Variants in INVS observed in about 807,000 individuals in gnomAD.
The protein encoded by INVS is inversin.
In INVS, 86 loss-of-function variants were observed where a neutral mutation model predicts 108.8. The observed-to-expected ratio is 0.79, with a 90% CI of 0.66 to 0.95. The LOEUF (loss-of-function observed/expected upper bound fraction) is 0.95, where lower values mean the gene tolerates loss of function less well. Among genes scored for constraint, INVS ranks in the 40% least tolerant of loss-of-function variants. INVS has a pLI of 0.00. For missense variants in INVS, 1,169 were observed against 1,297.4 expected, an observed-to-expected ratio of 0.90 and a Z score of 1.52; for synonymous variants, 455 against 473.5, an observed-to-expected ratio of 0.96 and a Z score of 0.51.
intron 3 of INVS, among the ~76,000 whole-genome samples, chr9:100,187,514 ATCTATGATTTCTTTTTTT>A (rs1830087554): frequency 7.8e-6 from 1 of 127,634 alleles, no homozygotes; most frequent in African/African-American, 3.6e-5. Flanking sequence ...TGTTTGTATC[ATCTATGATTTCTTTTTTT>A]TTTTTTTTTT....
At position 100,242,690 on chromosome 9, in the gene INVS, C is replaced by T. The variant is rs2118506202; in HGVS notation, c.906+11C>T. The T allele has an allele frequency of 7.2e-7, 1 of 1,396,570 alleles. No homozygotes were observed. The allele number at this position is 1,396,570 out of a possible 1,614,324, so 86.5% of individuals were successfully genotyped here. The stretch of plus-strand genomic sequence containing the variant: ...CAGAGTAACTTTGCTGTAAGTAAAA[C>T]AAGACAATGCTCTTTTTTCTTAGTG... On this transcript the variant is annotated intron_variant, in intron 7 of 16. Transcript: ENST00000262457.
At position 100,266,245 on chromosome 9, in the gene INVS, A is replaced by T. The variant is rs533818174; in HGVS notation, c.1571+1317A>T. Among the ~76,000 whole-genome samples the T allele has an allele frequency of 2.6e-5, 4 of 152,304 alleles. No homozygotes were observed. In the South Asian group the frequency reaches 8.3e-4, roughly 32 times the overall value. The stretch of plus-strand genomic sequence containing the variant: ...GGGGTCCCGATCCAGACCCCGTCAG[A>T]GGGTTCTTGGATCTTGCACAAGAAA... On this transcript the variant is annotated intron_variant, in intron 11 of 16. Coordinates refer to ENST00000262457, the MANE Select transcript of INVS (RefSeq NM_014425.5).
At chr9:100,266,571 GT>G (rs1164927044) in intron 11 of INVS, among the ~76,000 whole-genome samples, 1 of 152,148 alleles carries the variant, frequency 6.6e-6, no homozygotes. Context: ...GTTTTGGTGG[GT>G]TTTGGCCAGC....
At chr9:100,242,793 A>C in intron 7 of INVS, 114 bp downstream of exon 7, 4 of 688,814 alleles carry the variant, frequency 5.8e-6, no homozygotes. Context: ...TGTACCCTTC[A>C]CCTAGTTCAC....
Position 100,272,930 on chromosome 9 carries a change from C to T in INVS, c.1638C>T (p.His546=), listed in dbSNP as rs758665047. 1.8e-5 allele frequency: 29 copies of T among 1,614,062 alleles called. No individual in the cohort carries two copies. The highest frequency in any genetic ancestry group is 2.2e-5 in the East Asian group (1 of 44,872). ...RHEVIQFMLE[H]GALSIAAIQD... ...AAGTGATCCAGTTCATGTTGGAGCA[C>T]GGTGCCCTGTCCATCGCAGCCATAC... is the stretch of plus-strand genomic sequence containing the variant. Residue 546 remains histidine (H), a synonymous_variant, in exon 12 of 17, where the codon CAC becomes CAT. Transcript: ENST00000262457.
chr9:100,220,340 G>A (rs1317636835), intron 3 of INVS, among the ~76,000 whole-genome samples: 1 of 152,016 alleles, frequency 6.6e-6, no homozygotes, highest in Admixed American at 6.6e-5. Flanking sequence ...GAAGCTCTTG[G>A]TGTTAATTAC....
At chr9:100,129,752 C>T (rs1461425623) in intron 3 of INVS, 1 of 682,690 alleles carries the variant, frequency 1.5e-6, no homozygotes, top group East Asian at 2.7e-5. Context: ...AAAGTGAGTA[C>T]CACATTCATC....
At chr9:100,200,954 A>G (rs1286841856) in intron 3 of INVS, among the ~76,000 whole-genome samples, 1 of 152,162 alleles carries the variant, frequency 6.6e-6, no homozygotes, top group African/African-American at 2.4e-5. Context: ...GATTTCATTC[A>G]CTCATTTACT....
At chr9:100,126,314 G>T in intron 2 of INVS, 69 bp from the exon 3 acceptor site, 2 of 1,233,506 alleles carry the variant, frequency 1.6e-6, no homozygotes, top group South Asian at 1.3e-5. Context: ...AATAAACAGC[G>T]AATATAGTTC....
chr9:100,161,776 C>G (rs188976415), intron 3 of INVS, among the ~76,000 whole-genome samples: 37 of 152,226 alleles, frequency 2.4e-4, no homozygotes, highest in African/African-American at 8.2e-4. Context: ...TCTTGCTAAT[C>G]TCACTAATGA....
chr9:100,204,819 T>C (rs1830629769), intron 3 of INVS, among the ~76,000 whole-genome samples: 1 of 152,172 alleles, frequency 6.6e-6, no homozygotes, highest in Non-Finnish European at 1.5e-5. Flanking sequence ...ATTTCTGTTT[T>C]TAAGGACTCC....
At chr9:100,137,367 A>G (rs1828261565) in intron 3 of INVS, among the ~76,000 whole-genome samples, 2 of 152,118 alleles carry the variant, frequency 1.3e-5, no homozygotes, top group African/African-American at 4.8e-5. Context: ...AAACTCCTAA[A>G]CTTGGGCTTC....
chr9:100,285,494 G>A (rs1833412518), intron 13 of INVS, among the ~76,000 whole-genome samples: 1 of 152,174 alleles, frequency 6.6e-6, no homozygotes, highest in Non-Finnish European at 1.5e-5. Context: ...CACCAGGTTT[G>A]GTGAGGTTGG....
intron 8 of INVS, among the ~76,000 whole-genome samples, chr9:100,249,295 C>G (rs192023605): frequency 3.9e-5 from 6 of 152,168 alleles, no homozygotes; most frequent in African/African-American, 1.4e-4. Context: ...GTTTGGAAAA[C>G]CCTGGGCTAC....
At chr9:100,296,875 T>C in intron 14 of INVS, 42 bp from the exon 15 acceptor site, 1 of 1,490,550 alleles carries the variant, frequency 6.7e-7, no homozygotes, top group Non-Finnish European at 9.3e-7. Context: ...GTTTTCTCAG[T>C]ACTGTGATCT....
chr9:100,173,966 GC>G (rs1442682344), intron 3 of INVS, among the ~76,000 whole-genome samples: 1 of 152,294 alleles, frequency 6.6e-6, no homozygotes, highest in East Asian at 1.9e-4. Flanking sequence ...CAAGGTATCT[GC>G]CTGCTAAAAC....
intron 3 of INVS, among the ~76,000 whole-genome samples, chr9:100,153,763 CAGA>C (rs1431881982): frequency 1.3e-5 from 2 of 152,144 alleles, no homozygotes; most frequent in Admixed American, 6.5e-5. Context: ...CAGTGGAAAG[CAGA>C]AGGACAAAAG....
intron 3 of INVS, among the ~76,000 whole-genome samples, chr9:100,172,302 CT>C (rs1445472904): frequency 6.6e-6 from 1 of 152,114 alleles, no homozygotes; most frequent in Non-Finnish European, 1.5e-5. Flanking sequence ...TCAAATTTAT[CT>C]TTATATCTTC....
At chr9:100,216,455 A>G (rs1830990660) in intron 3 of INVS, among the ~76,000 whole-genome samples, 1 of 152,212 alleles carries the variant, frequency 6.6e-6, no homozygotes, top group Non-Finnish European at 1.5e-5. Context: ...CCATTAAGCC[A>G]GCAGCTTTGC....
Sources: gnomAD v4.1 joint callset for allele counts (sites outside exome capture counted in the v4.1 genomes callset) on GRCh38, gnomAD v4.1.1 for gene constraint, MANE v1.5 for transcripts, NCBI Gene and HGNC (gene_info 2026-07-23, HGNC 2026-07-21) for gene names.